Variants in RBM20 observed in about 807,000 individuals in gnomAD.
RBM20 encodes the protein RNA binding motif protein 20.
RBM20 carries 51 observed loss-of-function variants against 110.1 expected under a neutral mutation model. The observed-to-expected ratio is 0.46, with a 90% CI of 0.37 to 0.59. The LOEUF (loss-of-function observed/expected upper bound fraction) is 0.59, where lower values mean the gene tolerates loss of function less well. Among genes scored for constraint, RBM20 ranks in the 20% least tolerant of loss-of-function variants. The probability of loss-of-function intolerance (pLI) is 0.00; values close to 1 mark genes in which losing one functional copy is unlikely to be tolerated. For missense variants in RBM20, 1,512 were observed against 1,574.9 expected, an observed-to-expected ratio of 0.96 and a Z score of 0.68; for synonymous variants, 589 against 618.2, an observed-to-expected ratio of 0.95 and a Z score of 0.70.
chr10:110,785,196 T>A (rs1237162754), intron 5 of RBM20, among the ~76,000 whole-genome samples: 1 of 152,244 alleles, frequency 6.6e-6, no homozygotes, highest in African/African-American at 2.4e-5. Context: ...ATGCTCAGTA[T>A]GCACCTGACA....
At chr10:110,802,160 A>G (rs957616040) in intron 7 of RBM20, among the ~76,000 whole-genome samples, 4 of 152,192 alleles carry the variant, frequency 2.6e-5, no homozygotes. Context: ...ACATTGACTT[A>G]GGGTCCATTT....
chr10:110,720,450 A>G lies in RBM20; in HGVS notation c.192-60351A>G, dbSNP rs376488748. ...TTTGCAGTGCAACCGCGGGACTGGA[A>G]CATAGCCATGGGCCAGAAGTCTTGG... On this transcript the variant is annotated intron_variant, in intron 1 of 13. Coordinates refer to ENST00000369519, the MANE Select transcript of RBM20 (RefSeq NM_001134363.3). Among the ~76,000 whole-genome samples, 17 of 152,304 alleles carry G rather than the reference A, an allele frequency of 1.1e-4. 1 individual carries two copies. The East Asian group carries it at 1.5e-3, about 14-fold the overall frequency.
chr10:110,763,762 T>C (rs1844040529), intron 1 of RBM20, among the ~76,000 whole-genome samples: 1 of 150,320 alleles, frequency 6.7e-6, no homozygotes, highest in Admixed American at 6.6e-5. Flanking sequence ...TTTTTTTTTT[T>C]TTTTTTTTTT....
At chr10:110,735,516 T>C (rs1048574784) in intron 1 of RBM20, among the ~76,000 whole-genome samples, 8 of 152,200 alleles carry the variant, frequency 5.3e-5, no homozygotes, top group African/African-American at 1.9e-4. Context: ...TATAATGTGT[T>C]TTCCGAGCCT....
intron 1 of RBM20, among the ~76,000 whole-genome samples, chr10:110,733,458 C>T (rs17127885): frequency 0.095 from 14,511 of 152,184 alleles, 734 homozygotes; most frequent in African/African-American, 0.13. Context: ...TTTTGGAGGA[C>T]GACACTGCCT....
intron 1 of RBM20, among the ~76,000 whole-genome samples, chr10:110,753,300 G>C (rs896452000): frequency 1.3e-5 from 2 of 151,980 alleles, no homozygotes; most frequent in Admixed American, 1.3e-4. Flanking sequence ...AGTAACTCAA[G>C]GTCCTTGGAA....
intron 7 of RBM20, among the ~76,000 whole-genome samples, chr10:110,810,043 A>G (rs1035115511): frequency 5.3e-5 from 8 of 152,068 alleles, no homozygotes; most frequent in Middle Eastern, 3.4e-3. Context: ...CCCTCCCTCC[A>G]TCCCTCTGTC....
In RBM20 at chr10:110,803,382, A is replaced by G. The variant is rs547096802; in HGVS notation, c.1800+3464A>G. On this transcript the variant is annotated intron_variant, in intron 7 of 13. Coordinates refer to ENST00000369519, the MANE Select transcript of RBM20 (RefSeq NM_001134363.3). The stretch of plus-strand genomic sequence containing the variant: ...GAAATCAGGTAATTTGCTTATAGTC[A>G]CCCAGCCAAGAAGCCGCAGAGATAG... 1.4e-4 allele frequency among the ~76,000 whole-genome samples: 22 copies of G among 152,326 alleles called. No homozygotes were observed. The South Asian group carries it at 4.6e-3, about 32-fold the overall frequency.
intron 1 of RBM20, among the ~76,000 whole-genome samples, chr10:110,716,906 C>A (rs924858684): frequency 7.6e-6 from 1 of 131,730 alleles, no homozygotes. Context: ...GACACAACTC[C>A]GTCTCAAAAA....
rs1012545532 is a variant in RBM20 at position 110,838,554 on chromosome 10, T to C, written c.*2576T>C. 2 of 152,210 alleles carry C rather than the reference T, an allele frequency of 1.3e-5. No homozygotes were observed. The highest frequency in any genetic ancestry group is 2.9e-5 in the Non-Finnish European group (2 of 68,044). 9.4% of individuals were successfully genotyped at this position (152,210 alleles called of 1,614,324 possible). A position where few individuals can be genotyped will look rare whatever the true frequency, so the allele number is the denominator to read the frequency against. ...ATAGCCCACAATTTTTATCAGAGGT[T>C]AGAACTGTACATTATCAGAGAGACT... On this transcript the variant is annotated 3_prime_UTR_variant, in exon 14 of 14. Transcript: ENST00000369519.
rs1189201346 is a variant in RBM20 at position 110,781,259 on chromosome 10, G to T, written c.650G>T (p.Gly217Val). Residue 217 changes from glycine (G) to valine (V), a missense_variant, in exon 2 of 14, where the codon GGC becomes GTC. By Grantham distance (109) the Gly-to-Val change is moderately radical. Coordinates refer to ENST00000369519, the MANE Select transcript of RBM20 (RefSeq NM_001134363.3). Reference sequence around the variant, plus strand: ...CAGCCAGCAGTCATCTTGGGCATTGGCAAGACTGGGCCTGCTCCAGCTACA... The same window carrying T: ...CAGCCAGCAGTCATCTTGGGCATTGTCAAGACTGGGCCTGCTCCAGCTACA... ...PGQPAVILGI[G>V]KTGPAPATAG... is the part of the protein sequence containing the mutation. 17 of 1,551,554 alleles carry T rather than the reference G, an allele frequency of 1.1e-5. No individual in the cohort carries two copies. The highest frequency in any genetic ancestry group is 1.5e-5 in the Non-Finnish European group (17 of 1,147,018).
At chr10:110,788,789 C>T (rs569725299) in intron 5 of RBM20, among the ~76,000 whole-genome samples, 1 of 152,356 alleles carries the variant, frequency 6.6e-6, no homozygotes, top group South Asian at 2.1e-4. Flanking sequence ...TGCCTACAAA[C>T]ACTGACCTCC....
At chr10:110,749,338 C>T (rs569554241) in intron 1 of RBM20, among the ~76,000 whole-genome samples, 2 of 151,876 alleles carry the variant, frequency 1.3e-5, no homozygotes, top group African/African-American at 4.8e-5. Context: ...GCATTTCTGC[C>T]GAACTACAGT....
chr10:110,738,513 C>G (rs1213876978), intron 1 of RBM20, among the ~76,000 whole-genome samples: 1 of 152,116 alleles, frequency 6.6e-6, no homozygotes, highest in Non-Finnish European at 1.5e-5. Context: ...ACGGCCCGAA[C>G]CCCCCGTGGA....
chr10:110,763,661 C>T (rs35539378), intron 1 of RBM20, among the ~76,000 whole-genome samples: 4,102 of 150,692 alleles, frequency 0.027, 73 homozygotes, highest in East Asian at 0.053. Flanking sequence ...GGTGGCTCCT[C>T]GGAAGAAAAG....
At chr10:110,794,326 A>G (rs1044583717) in intron 5 of RBM20, among the ~76,000 whole-genome samples, 5 of 152,244 alleles carry the variant, frequency 3.3e-5, no homozygotes, top group Non-Finnish European at 1.5e-5. Flanking sequence ...ACCATCCTAA[A>G]TAAAATATTG....
chr10:110,787,873 A>G (rs563473767), intron 5 of RBM20, among the ~76,000 whole-genome samples: 1 of 152,168 alleles, frequency 6.6e-6, no homozygotes, highest in East Asian at 1.9e-4. Flanking sequence ...AGAGAGCCCC[A>G]GTCATTGTAG....
At chr10:110,777,097 A>G (rs1844275570) in intron 1 of RBM20, among the ~76,000 whole-genome samples, 1 of 152,166 alleles carries the variant, frequency 6.6e-6, no homozygotes, top group Admixed American at 6.5e-5. Context: ...GTTCACGGCA[A>G]TTACTTTGTG....
intron 1 of RBM20, among the ~76,000 whole-genome samples, chr10:110,716,229 C>A (rs183626363): frequency 2.3e-4 from 35 of 152,322 alleles, no homozygotes; most frequent in African/African-American, 7.0e-4. Flanking sequence ...GGGGCAGAAG[C>A]AGTCCCCTTA....
Sources: gnomAD v4.1 joint callset for allele counts (sites outside exome capture counted in the v4.1 genomes callset) on GRCh38, gnomAD v4.1.1 for gene constraint, MANE v1.5 for transcripts, NCBI Gene and HGNC (gene_info 2026-07-23, HGNC 2026-07-21) for gene names.